Variants in ADGRD1 observed in about 807,000 individuals in gnomAD.
ADGRD1 encodes the protein adhesion G protein-coupled receptor D1.
In ADGRD1, 77 loss-of-function variants were observed where a neutral mutation model predicts 113.4. That is an observed-to-expected ratio of 0.68 (90% CI 0.57 to 0.82). The LOEUF is 0.82. ADGRD1 is among the 40% of genes least tolerant of loss of function. The pLI is 0.00. For synonymous variants in ADGRD1, 474 were observed against 475.0 expected, an observed-to-expected ratio of 1.00 and a Z score of 0.03; for missense variants, 1,036 against 1,139.1, an observed-to-expected ratio of 0.91 and a Z score of 1.30.
chr12:131,004,917 C>T (rs758324458), intron 11 of ADGRD1, among the ~76,000 whole-genome samples: 12 of 152,212 alleles, frequency 7.9e-5, no homozygotes, highest in Non-Finnish European at 1.3e-4. Context: ...CCTGGAAAAG[C>T]GAATATGACT....
rs773805209 is a variant in ADGRD1, at chr12:131,138,232, G to A, written c.2529+3G>A. 7.4e-6 allele frequency: 12 copies of A among 1,611,904 alleles called. No homozygotes were observed. Among genetic ancestry groups the A allele is most frequent in the Non-Finnish European group, 1.0e-5 (12 of 1,178,882 alleles). On this transcript the variant is annotated splice_donor_region_variant and intron_variant, in intron 24 of 24. Coordinates refer to ENST00000261654, the MANE Select transcript of ADGRD1 (RefSeq NM_198827.5). ...CGAAGCCCTTCCACTCGGACCTCGT[G>A]AGTGCAGCCTCCATAAACCGAGGGT...
chr12:130,995,001 C>T (rs565371005), intron 8 of ADGRD1, among the ~76,000 whole-genome samples: 2 of 152,366 alleles, frequency 1.3e-5, no homozygotes, highest in South Asian at 4.1e-4. Context: ...GCTCTGTGAT[C>T]TCTTCATCAC....
intron 15 of ADGRD1, among the ~76,000 whole-genome samples, chr12:131,100,850 T>A (rs968480174): frequency 3.9e-5 from 6 of 152,216 alleles, no homozygotes; most frequent in African/African-American, 1.4e-4. Context: ...TGCAAATAGA[T>A]GAGCTAAAGC....
At chr12:131,098,143 G>A (rs939948546) in intron 15 of ADGRD1, among the ~76,000 whole-genome samples, 7 of 133,196 alleles carry the variant, frequency 5.3e-5, no homozygotes, top group African/African-American at 7.9e-5. Flanking sequence ...CGCGGTGGCC[G>A]CTGTCTGGGC....
At chr12:131,073,079 C>T (rs563074351) in intron 13 of ADGRD1, among the ~76,000 whole-genome samples, 2 of 152,328 alleles carry the variant, frequency 1.3e-5, no homozygotes. Flanking sequence ...TGGGGTGGCC[C>T]AGCTCATCAA....
In ADGRD1 at chr12:130,971,839, GA is replaced by G. The variant is rs1279804070; in HGVS notation, c.310+267del. On this transcript the variant is annotated intron_variant, in intron 4 of 24. Coordinates refer to ENST00000261654, the MANE Select transcript of ADGRD1 (RefSeq NM_198827.5). This position sits in a 1 kb window ranked among gnomAD's most constrained non-coding sequence, Gnocchi z 4.2. ...CAAAATACTTAATCTTGTAAAGGAT[GA>G]AAAAAAACCTTCCTAAAAAACAGAC... Among the ~76,000 whole-genome samples, 1 of 151,972 alleles carries G rather than the reference GA, an allele frequency of 6.6e-6. No individual in the cohort carries two copies. The highest frequency in any genetic ancestry group is 1.5e-5 in the Non-Finnish European group (1 of 67,976).
At chr12:131,025,078 A>G (rs1392525363) in intron 13 of ADGRD1, among the ~76,000 whole-genome samples, 1 of 152,208 alleles carries the variant, frequency 6.6e-6, no homozygotes, top group African/African-American at 2.4e-5. Context: ...TGAAGTATGA[A>G]AGGTGCCAGT....
At position 130,971,396 on chromosome 12, in the gene ADGRD1, A is replaced by G. The variant is rs1009375717; in HGVS notation, c.188-62A>G. 1 of 1,439,730 alleles carries G rather than the reference A, an allele frequency of 6.9e-7. No homozygotes were observed. The highest frequency in any genetic ancestry group is 9.6e-7 in the Non-Finnish European group (1 of 1,038,012). 89.2% of individuals were successfully genotyped at this position (1,439,730 alleles called of 1,614,324 possible). ...TAAGTTATTTGTAGGTCTGACACACATCTTCAGACTTTTAATCTCGGAAGG... is the reference window on the plus strand; with the variant it reads ...TAAGTTATTTGTAGGTCTGACACACGTCTTCAGACTTTTAATCTCGGAAGG... On this transcript the variant is annotated intron_variant, in intron 3 of 24. Transcript: ENST00000261654. This position sits in a 1 kb window ranked among gnomAD's most constrained non-coding sequence, Gnocchi z 4.2.
At chr12:130,970,201 A>G (rs2136526664) in intron 3 of ADGRD1, 1 of 152,330 alleles carries the variant, frequency 6.6e-6, no homozygotes, top group South Asian at 2.1e-4. Context: ...CATTTATTAG[A>G]TCAGCATAGA....
chr12:130,983,596 T>C (rs1419911500), intron 5 of ADGRD1, among the ~76,000 whole-genome samples: 3 of 152,186 alleles, frequency 2.0e-5, no homozygotes. Context: ...GGGCGAGAAT[T>C]AGAAACACTT....
chr12:131,056,726 A>G (rs976412509), intron 13 of ADGRD1, among the ~76,000 whole-genome samples: 3 of 152,256 alleles, frequency 2.0e-5, no homozygotes, highest in African/African-American at 7.2e-5. Context: ...TGGGTGGACC[A>G]TGGAACCTGA....
intron 13 of ADGRD1, among the ~76,000 whole-genome samples, chr12:131,038,002 G>A (rs909283616): frequency 6.9e-6 from 1 of 145,174 alleles, no homozygotes; most frequent in African/African-American, 2.6e-5. Context: ...CTGCACTGGG[G>A]TCTCACTCAC....
rs925729506 is a variant in ADGRD1, at chr12:131,113,906, C to T, written c.2042-4479C>T. Among the ~76,000 whole-genome samples, 2 of 152,234 alleles carry T rather than the reference C, an allele frequency of 1.3e-5. No homozygotes were observed. Among genetic ancestry groups the T allele is most frequent in the Non-Finnish European group, 2.9e-5 (2 of 68,038 alleles). ...GACCTCATCAGGGAGGATTTAGAGG[C>T]TGACTGATGGCCAACTATCTAGAGT... On this transcript the variant is annotated intron_variant, in intron 18 of 24. Transcript: ENST00000261654. This position sits in a 1 kb window ranked among gnomAD's most constrained non-coding sequence, Gnocchi z 4.9.
chr12:131,002,847 G>C, intron 9 of ADGRD1: 1 of 1,247,272 alleles, frequency 8.0e-7, no homozygotes, highest in Non-Finnish European at 1.0e-6. Flanking sequence ...GGTAGGGGGA[G>C]GGTCTGGGAT....
intron 20 of ADGRD1, among the ~76,000 whole-genome samples, chr12:131,129,922 G>A (rs988076782): frequency 8.5e-5 from 13 of 152,248 alleles, no homozygotes; most frequent in Admixed American, 8.5e-4. Context: ...AGCCTGCCCC[G>A]AGGGCATGGG....
At chr12:130,999,884 A>G (rs1876121861) in intron 8 of ADGRD1, among the ~76,000 whole-genome samples, 1 of 152,210 alleles carries the variant, frequency 6.6e-6, no homozygotes, top group Non-Finnish European at 1.5e-5. Context: ...GTTTCCTTAG[A>G]ATAATAGTGA....
In ADGRD1 at chr12:131,022,603, C is replaced by T. The variant is rs202069168; in HGVS notation, c.1473+8263C>T. On this transcript the variant is annotated intron_variant, in intron 13 of 24. Coordinates refer to ENST00000261654, the MANE Select transcript of ADGRD1 (RefSeq NM_198827.5). This position sits in a 1 kb window ranked among gnomAD's most constrained non-coding sequence, Gnocchi z 4.6. Reference sequence around the variant, plus strand: ...ATTCTGTTGCTCCCGTTGTCGCGGCCGTGACCGTCGGGAGCTCTGTCCAGT... The same window carrying T: ...ATTCTGTTGCTCCCGTTGTCGCGGCTGTGACCGTCGGGAGCTCTGTCCAGT... Among the ~76,000 whole-genome samples the T allele has an allele frequency of 1.6e-4, 24 of 152,324 alleles. No individual in the cohort carries two copies. The East Asian group carries it at 3.1e-3, about 20-fold the overall frequency.
intron 15 of ADGRD1, among the ~76,000 whole-genome samples, chr12:131,091,604 G>A (rs1259062698): frequency 1.3e-5 from 2 of 152,166 alleles, no homozygotes; most frequent in Admixed American, 6.5e-5. Context: ...CCTATGCGTG[G>A]GTGTGTTTCT....
intron 18 of ADGRD1, among the ~76,000 whole-genome samples, chr12:131,114,478 T>C (rs1950417873): frequency 1.3e-5 from 2 of 152,114 alleles, no homozygotes; most frequent in Admixed American, 1.3e-4. Context: ...CCCTGTCAGC[T>C]TTCCCTTAAT....
Sources: allele counts gnomAD v4.1 joint callset (sites outside exome capture counted in the v4.1 genomes callset), GRCh38; gene constraint gnomAD v4.1.1; non-coding constraint Gnocchi (gnomAD v3.1); transcripts MANE v1.5; gene names NCBI Gene and HGNC (gene_info 2026-07-23, HGNC 2026-07-21).